The following ANKUB1 variants were observed in gnomAD, a reference collection of about 807,000 sequenced individuals.
ANKUB1 encodes the protein protein ANKUB1.
ANKUB1 carries 42 observed loss-of-function variants against 49.3 expected under a neutral mutation model. That is an observed-to-expected ratio of 0.85 (90% confidence interval 0.67 to 1.10). The LOEUF is 1.10. ANKUB1 is among the 50% of genes least tolerant of loss of function. The probability of loss-of-function intolerance (pLI) is 0.00; values close to 1 mark genes in which losing one functional copy is unlikely to be tolerated. For missense variants in ANKUB1, 613 were observed against 642.0 expected, an observed-to-expected ratio of 0.95 and a Z score of 0.49; for synonymous variants, 222 against 231.0, an observed-to-expected ratio of 0.96 and a Z score of 0.35.
At chr3:149,790,759 A>G (rs2108284064) in intron 2 of ANKUB1, 22 bp downstream of exon 2, 1 of 1,532,986 alleles carries the variant, frequency 6.5e-7, no homozygotes, top group South Asian at 1.2e-5. Context: ...ATCTTAGACG[A>G]ATATTATCCT....
chr3:149,785,786 T>C (rs1244183319), intron 2 of ANKUB1, among the ~76,000 whole-genome samples: 1 of 151,952 alleles, frequency 6.6e-6, no homozygotes, highest in Non-Finnish European at 1.5e-5. Flanking sequence ...AGTAAAGAGA[T>C]GGCTGGGTCA....
At chr3:149,772,261 T>C (rs932912226) in intron 3 of ANKUB1, among the ~76,000 whole-genome samples, 2 of 152,152 alleles carry the variant, frequency 1.3e-5, no homozygotes, top group Non-Finnish European at 2.9e-5. Flanking sequence ...CTTCAAACGA[T>C]CCATCCGCCT....
At chr3:149,790,972 T>C (rs1241701165) in intron 1 of ANKUB1, 48 bp from the exon 2 acceptor site, 50 of 1,512,682 alleles carry the variant, frequency 3.3e-5, no homozygotes, top group Non-Finnish European at 4.2e-5. Context: ...CTTACGTTAC[T>C]AGACCAGAAA....
chr3:149,776,803 A>G (rs1006080463), intron 3 of ANKUB1, among the ~76,000 whole-genome samples: 1 of 123,746 alleles, frequency 8.1e-6, no homozygotes, highest in Admixed American at 8.2e-5. Flanking sequence ...TCTATAAAAA[A>G]TACACACACA....
At chr3:149,772,797 A>G (rs1254398764) in intron 3 of ANKUB1, among the ~76,000 whole-genome samples, 1 of 152,048 alleles carries the variant, frequency 6.6e-6, no homozygotes. Context: ...TGGACTCCCA[A>G]ACTTCTTCTG....
chr3:149,764,786 G>T (rs1576666385), intron 5 of ANKUB1, among the ~76,000 whole-genome samples: 1 of 141,194 alleles, frequency 7.1e-6, no homozygotes, highest in African/African-American at 2.7e-5. Flanking sequence ...TTAACAAAAT[G>T]TTTTCTCTAG....
chr3:149,786,309 A>G (rs543192493), intron 2 of ANKUB1, among the ~76,000 whole-genome samples: 1 of 152,286 alleles, frequency 6.6e-6, no homozygotes, highest in Admixed American at 6.5e-5. Context: ...TGCTGGGATT[A>G]CAGGCGTGAG....
In ANKUB1 at chr3:149,776,318, A is replaced by G. The variant is rs560755673; in HGVS notation, c.451+3921T>C. 1.4e-4 allele frequency among the ~76,000 whole-genome samples: 21 copies of G among 152,222 alleles called. No individual in the cohort carries two copies. The South Asian group carries it at 2.9e-3, about 21-fold the overall frequency. ...TCTTCCGTGTGCTTGCCTTGACCTCAGCATGTCCTGAGTGCCAGCCATTGG... is the reference window on the plus strand; with the variant it reads ...TCTTCCGTGTGCTTGCCTTGACCTCGGCATGTCCTGAGTGCCAGCCATTGG... On this transcript the variant is annotated intron_variant, in intron 3 of 5. Transcript: ENST00000446160.
intron 3 of ANKUB1, chr3:149,778,729 A>G (rs1236638736): frequency 6.6e-6 from 1 of 152,232 alleles, no homozygotes; most frequent in Non-Finnish European, 1.5e-5. Flanking sequence ...AAAAACAAGG[A>G]AAAAAATTAT....
chr3:149,765,547 T>C (rs1024589464), intron 5 of ANKUB1, among the ~76,000 whole-genome samples: 3 of 148,128 alleles, frequency 2.0e-5, no homozygotes, highest in African/African-American at 7.8e-5. Flanking sequence ...CACACACACA[T>C]GCACACACAC....
At chr3:149,762,775 T>A (rs183912445) in intron 5 of ANKUB1, among the ~76,000 whole-genome samples, 233 of 152,348 alleles carry the variant, frequency 1.5e-3, no homozygotes, top group Middle Eastern at 6.8e-3. Context: ...AACTCTTCAC[T>A]TGGTCACACA....
intron 4 of ANKUB1, among the ~76,000 whole-genome samples, chr3:149,768,965 A>C (rs1717199781): frequency 6.6e-6 from 1 of 152,254 alleles, no homozygotes; most frequent in Admixed American, 6.5e-5. Flanking sequence ...TGTCTGCCGT[A>C]AAGTATTAAA....
chr3:149,783,530 G>A (rs1717958311), intron 2 of ANKUB1: 2 of 152,158 alleles, frequency 1.3e-5, no homozygotes, highest in African/African-American at 4.8e-5. Flanking sequence ...CAAACTTACT[G>A]TAAATTCATA....
chr3:149,773,175 C>G (rs1717441863), intron 3 of ANKUB1, among the ~76,000 whole-genome samples: 1 of 152,078 alleles, frequency 6.6e-6, no homozygotes, highest in African/African-American at 2.4e-5. Context: ...TCTTTTCCTT[C>G]TTGCCTCCTC....
Position 149,780,377 on chromosome 3 carries a change from GA to G in ANKUB1, c.312del (p.Asp106IlefsTer7). 6.4e-7 allele frequency: 1 copy of G among 1,552,144 alleles called. No homozygotes were observed. Among genetic ancestry groups the G allele is most frequent in the Middle Eastern group, 1.7e-4 (1 of 5,996 alleles). On this transcript the variant is annotated frameshift_variant, in exon 3 of 6. Transcript: ENST00000446160. LOFTEE classifies it high-confidence loss of function. ...CTCAGATCAGACACTGTTTTATCAA[GA>G]AGGGAAATGCTCTCCATTACTGGCA... ...DTMPVMESIS[L>X]LDKTVSDLRT...
In ANKUB1 at chr3:149,766,572, G is replaced by A. The variant is rs186800630; in HGVS notation, c.1505+585C>T. ...CCCAGCACTTTGGGAGGCCAAGGTGGGAGGATCGCTTGAGCCCAGGAGTTT... is the reference window on the plus strand; with the variant it reads ...CCCAGCACTTTGGGAGGCCAAGGTGAGAGGATCGCTTGAGCCCAGGAGTTT... On this transcript the variant is annotated intron_variant, in intron 5 of 5. Transcript: ENST00000446160. 3.2e-4 allele frequency: 125 copies of A among 386,138 alleles called. 8 individuals are homozygous for A. The highest frequency in any genetic ancestry group is 5.1e-4 in the Non-Finnish European group (104 of 202,126). 23.9% of individuals were successfully genotyped at this position (386,138 alleles called of 1,614,324 possible).
At chr3:149,766,714 C>A in intron 5 of ANKUB1, 2 of 702,628 alleles carry the variant, frequency 2.8e-6, no homozygotes, top group South Asian at 1.7e-5. Flanking sequence ...GGGAGAATTG[C>A]TTGAGCCTAG....
chr3:149,790,639 A>T (rs1455423940), intron 2 of ANKUB1, 142 bp downstream of exon 2: 4 of 801,142 alleles, frequency 5.0e-6, no homozygotes, highest in Non-Finnish European at 7.7e-6. Context: ...CATGCGTAAG[A>T]CCTGTTATAC....
intron 3 of ANKUB1, among the ~76,000 whole-genome samples, chr3:149,776,764 C>T (rs1275146351): frequency 2.6e-5 from 4 of 151,312 alleles, no homozygotes; most frequent in Non-Finnish European, 4.4e-5. Context: ...AGTTTGAGAC[C>T]AGCCTGGCCA....
Sources: allele counts gnomAD v4.1 joint callset (sites outside exome capture counted in the v4.1 genomes callset), GRCh38; gene constraint gnomAD v4.1.1; transcripts MANE v1.5; gene names NCBI Gene and HGNC (gene_info 2026-07-23, HGNC 2026-07-21).